PPARGC1A: variants seen among roughly 807,000 people sequenced by gnomAD.
PPARGC1A encodes the protein peroxisome proliferator-activated receptor gamma coactivator 1-alpha.
Under a neutral mutation model 88.7 loss-of-function variants are expected in PPARGC1A, and 25 were observed. The observed-to-expected ratio is 0.28, with a 90% CI of 0.21 to 0.39. The LOEUF (loss-of-function observed/expected upper bound fraction) is 0.39, where lower values mean the gene tolerates loss of function less well. PPARGC1A is among the 10% of genes least tolerant of loss of function. The probability of loss-of-function intolerance (pLI) is 1.00; values close to 1 mark genes in which losing one functional copy is unlikely to be tolerated. For synonymous variants in PPARGC1A, 363 were observed against 355.6 expected, an observed-to-expected ratio of 1.02 and a Z score of -0.24; for missense variants, 880 against 968.7, an observed-to-expected ratio of 0.91 and a Z score of 1.22.
chr4:23,913,520 C>T, the PPARGC1A span, among the ~76,000 whole-genome samples: 1 of 151,756 alleles, frequency 6.6e-6, no homozygotes, highest in South Asian at 2.1e-4. Context: ...TGTGTAAAAG[C>T]CCAGGATAGT....
intron 2 of PPARGC1A, among the ~76,000 whole-genome samples, chr4:23,863,452 C>A (rs1385210947): frequency 2.6e-5 from 4 of 152,094 alleles, no homozygotes; most frequent in Non-Finnish European, 5.9e-5. Flanking sequence ...GATGAAATCT[C>A]CCCTCATGTT....
chr4:23,891,580 T>C (rs955233505), upstream of PPARGC1A, among the ~76,000 whole-genome samples: 1 of 152,136 alleles, frequency 6.6e-6, no homozygotes, highest in African/African-American at 2.4e-5. Flanking sequence ...AGACCATACA[T>C]ATTATAAGAG....
the PPARGC1A span, among the ~76,000 whole-genome samples, chr4:23,930,993 C>T: frequency 1.3e-5 from 2 of 152,212 alleles, no homozygotes; most frequent in Non-Finnish European, 2.9e-5. Flanking sequence ...CTGGCACATG[C>T]CGCCGCGTGG....
the PPARGC1A span, among the ~76,000 whole-genome samples, chr4:24,186,622 C>T: frequency 6.6e-6 from 1 of 152,078 alleles, no homozygotes; most frequent in Non-Finnish European, 1.5e-5. Context: ...GCTCCATAAA[C>T]ATTTGCTGCT....
At chr4:24,182,814 T>C in the PPARGC1A span, among the ~76,000 whole-genome samples, 1 of 152,172 alleles carries the variant, frequency 6.6e-6, no homozygotes, top group Non-Finnish European at 1.5e-5. Flanking sequence ...AGTCACCTGA[T>C]AAAAAGTTCA....
chr4:24,432,931 C>G, the PPARGC1A span, among the ~76,000 whole-genome samples: 1 of 152,180 alleles, frequency 6.6e-6, no homozygotes, highest in Middle Eastern at 3.2e-3. Context: ...GGCAATCTCT[C>G]TTTTTGCCCC....
the PPARGC1A span, among the ~76,000 whole-genome samples, chr4:24,149,518 A>G: frequency 6.6e-6 from 1 of 152,158 alleles, no homozygotes; most frequent in African/African-American, 2.4e-5. Context: ...TTACTAATTT[A>G]CTTTGTTCAT....
the PPARGC1A span, among the ~76,000 whole-genome samples, chr4:24,157,234 A>G: frequency 6.6e-6 from 1 of 152,180 alleles, no homozygotes; most frequent in Non-Finnish European, 1.5e-5. Context: ...CCTGAACCAC[A>G]TTCCCAGGCC....
chr4:24,311,781 T>A, the PPARGC1A span, among the ~76,000 whole-genome samples: 1 of 151,856 alleles, frequency 6.6e-6, no homozygotes, highest in Non-Finnish European at 1.5e-5. Context: ...ACTGAAAAAA[T>A]TTAACAGAGT....
chr4:24,115,560 A>G, the PPARGC1A span, among the ~76,000 whole-genome samples: 2 of 152,152 alleles, frequency 1.3e-5, no homozygotes, highest in South Asian at 4.1e-4. Flanking sequence ...GATTCTGGTC[A>G]TTATCAACCA....
At chr4:23,816,645 T>C (rs1284635190) in intron 7 of PPARGC1A, among the ~76,000 whole-genome samples, 1 of 152,184 alleles carries the variant, frequency 6.6e-6, no homozygotes, top group Non-Finnish European at 1.5e-5. Context: ...CAATCAAATA[T>C]GTCCAATGAC....
the PPARGC1A span, among the ~76,000 whole-genome samples, chr4:24,323,274 G>A: frequency 8.1e-3 from 1,232 of 152,232 alleles, 10 homozygotes; most frequent in Middle Eastern, 0.044. Flanking sequence ...AAGCTTCTGG[G>A]AACACTGAAT....
the PPARGC1A span, among the ~76,000 whole-genome samples, chr4:24,250,203 C>G: frequency 1.3e-5 from 2 of 152,212 alleles, no homozygotes; most frequent in Non-Finnish European, 2.9e-5. Flanking sequence ...TCGAGGAACT[C>G]TGTAATTATC....
intron 12 of PPARGC1A, among the ~76,000 whole-genome samples, chr4:23,801,175 C>G (rs1718639587): frequency 6.9e-6 from 1 of 144,590 alleles, no homozygotes; most frequent in Non-Finnish European, 1.5e-5. Flanking sequence ...GCCTGGAAGG[C>G]AAAATCAGGT....
the PPARGC1A span, among the ~76,000 whole-genome samples, chr4:23,967,079 A>G: frequency 6.6e-6 from 1 of 152,198 alleles, no homozygotes; most frequent in Non-Finnish European, 1.5e-5. Flanking sequence ...ATGCCTTATT[A>G]TTAAAGGAAA....
the PPARGC1A span, among the ~76,000 whole-genome samples, chr4:24,114,951 T>G: frequency 6.6e-6 from 1 of 152,192 alleles, no homozygotes; most frequent in Admixed American, 6.5e-5. Context: ...TATTTCATAC[T>G]TTAAGAAACC....
chr4:24,005,856 A>T, the PPARGC1A span, among the ~76,000 whole-genome samples: 1 of 152,072 alleles, frequency 6.6e-6, no homozygotes, highest in African/African-American at 2.4e-5. Context: ...TTCCATTATT[A>T]TACAGGGTCG....
chr4:23,832,855 C>T (rs1231342742), intron 2 of PPARGC1A, among the ~76,000 whole-genome samples: 1 of 147,266 alleles, frequency 6.8e-6, no homozygotes, highest in African/African-American at 2.5e-5. Flanking sequence ...CGTGATCCAC[C>T]CACCTCGGCC....
the PPARGC1A span, among the ~76,000 whole-genome samples, chr4:24,151,064 C>G: frequency 1.3e-5 from 2 of 152,320 alleles, no homozygotes; most frequent in Admixed American, 6.5e-5. Context: ...ATAATCCCAC[C>G]TGTTGTGAAA....
Sources: gnomAD v4.1 joint callset for allele counts (sites outside exome capture counted in the v4.1 genomes callset) on GRCh38, gnomAD v4.1.1 for gene constraint, MANE v1.5 for transcripts, NCBI Gene and HGNC (gene_info 2026-07-23, HGNC 2026-07-21) for gene names.